DLG2: variants seen among roughly 807,000 people sequenced by gnomAD.
DLG2 encodes the protein disks large homolog 2.
Under a neutral mutation model 132.5 loss-of-function variants are expected in DLG2, and 45 were observed. The ratio of observed to expected loss-of-function variants is 0.34; its 90% CI spans 0.27 to 0.44. DLG2 has a LOEUF of 0.44. DLG2 is among the 20% of genes least tolerant of loss of function. DLG2 has a pLI of 1.00. For synonymous variants in DLG2, 424 were observed against 419.6 expected (o/e 1.01, Z -0.13); for missense variants, 1,045 against 1,196.9 (o/e 0.87, Z 1.87).
intron 3 of DLG2, among the ~76,000 whole-genome samples, chr11:85,446,542 G>A (rs898836975): frequency 1.3e-5 from 2 of 151,912 alleles, no homozygotes; most frequent in East Asian, 1.9e-4. Context: ...AGTAAATATC[G>A]ATCAGGTAAA....
chr11:84,741,876 A>G (rs1035768248), intron 6 of DLG2, among the ~76,000 whole-genome samples: 1 of 152,152 alleles, frequency 6.6e-6, no homozygotes, highest in African/African-American at 2.4e-5. Flanking sequence ...ATCTTAAGGA[A>G]GCTCAGTGAG....
chr11:85,240,206 T>C (rs2075808154), intron 4 of DLG2, among the ~76,000 whole-genome samples: 1 of 151,898 alleles, frequency 6.6e-6, no homozygotes. Context: ...GTGAAAAGCC[T>C]GATTATTTTT....
intron 15 of DLG2, among the ~76,000 whole-genome samples, chr11:83,888,740 A>C (rs2154083194): frequency 6.6e-6 from 1 of 152,314 alleles, no homozygotes. Context: ...ACAGCATGGT[A>C]CTGGTACCAA....
chr11:84,986,776 C>T (rs951567909), intron 6 of DLG2, among the ~76,000 whole-genome samples: 2 of 152,116 alleles, frequency 1.3e-5, no homozygotes, highest in Admixed American at 1.3e-4. Context: ...GTAATAAAAG[C>T]CATCTATGAC....
chr11:83,763,636 T>A (rs1240620935), intron 18 of DLG2, among the ~76,000 whole-genome samples: 2 of 152,206 alleles, frequency 1.3e-5, no homozygotes, highest in African/African-American at 4.8e-5. Context: ...TTTTTCCACA[T>A]TTTTATATAC....
intron 11 of DLG2, among the ~76,000 whole-genome samples, chr11:83,992,317 T>C (rs376807076): frequency 1.2e-4 from 18 of 152,118 alleles, no homozygotes; most frequent in African/African-American, 4.3e-4. Context: ...GAAAATGCAG[T>C]GTGGTAAGTG....
chr11:84,262,760 C>G (rs1332677169), intron 7 of DLG2, among the ~76,000 whole-genome samples: 1 of 152,150 alleles, frequency 6.6e-6, no homozygotes, highest in African/African-American at 2.4e-5. Context: ...TCCCACATAT[C>G]AGTGAGAACA....
intron 3 of DLG2, among the ~76,000 whole-genome samples, chr11:85,539,592 T>G (rs1598377454): frequency 6.6e-6 from 1 of 152,316 alleles, no homozygotes. Context: ...GCTGCATAAC[T>G]CTGTGAACAT....
chr11:84,719,522 C>T (rs1490379379), intron 6 of DLG2, among the ~76,000 whole-genome samples: 4 of 152,112 alleles, frequency 2.6e-5, no homozygotes, highest in South Asian at 2.1e-4. Flanking sequence ...GTTCAAACAC[C>T]AAGTTCTATG....
At chr11:84,932,507 C>G (rs138477325) in intron 6 of DLG2, among the ~76,000 whole-genome samples, 1 of 152,024 alleles carries the variant, frequency 6.6e-6, no homozygotes, top group Admixed American at 6.6e-5. Context: ...AAGTTCCCAC[C>G]CCTCACCCCC....
intron 3 of DLG2, among the ~76,000 whole-genome samples, chr11:85,301,070 G>A (rs2079556038): frequency 1.3e-5 from 2 of 152,050 alleles, no homozygotes; most frequent in Admixed American, 1.3e-4. Context: ...GTGTGGTGGT[G>A]CATGCCTGTG....
intron 7 of DLG2, among the ~76,000 whole-genome samples, chr11:84,280,848 C>A (rs1480592625): frequency 6.7e-6 from 1 of 149,086 alleles, no homozygotes; most frequent in Admixed American, 6.7e-5. Flanking sequence ...CTAGAGGCGC[C>A]TGCCACCATG....
At chr11:83,911,102 T>A (rs2075966105) in intron 15 of DLG2, among the ~76,000 whole-genome samples, 1 of 152,012 alleles carries the variant, frequency 6.6e-6, no homozygotes, top group Non-Finnish European at 1.5e-5. Context: ...AAAAAAGTGA[T>A]GTAAATAATA....
At chr11:84,075,852 T>C (rs1257479887) in intron 10 of DLG2, among the ~76,000 whole-genome samples, 3 of 152,174 alleles carry the variant, frequency 2.0e-5, no homozygotes, top group Non-Finnish European at 4.4e-5. Context: ...CATTTTGAGA[T>C]TATTGGTGAC....
intron 6 of DLG2, chr11:84,923,274 A>G (rs2092845128): frequency 6.7e-7 from 1 of 1,487,084 alleles, no homozygotes; most frequent in Non-Finnish European, 8.9e-7. Context: ...ACAAAACGAC[A>G]TGTCTTGAAG....
chr11:85,224,809 T>C (rs1032356753), intron 4 of DLG2, among the ~76,000 whole-genome samples: 1 of 152,208 alleles, frequency 6.6e-6, no homozygotes, highest in Non-Finnish European at 1.5e-5. Context: ...GAGCAGTTTA[T>C]ATGTGGTTAA....
chr11:85,261,292 T>G (rs2076927533), intron 4 of DLG2, among the ~76,000 whole-genome samples: 1 of 152,100 alleles, frequency 6.6e-6, no homozygotes, highest in African/African-American at 2.4e-5. Flanking sequence ...TAGTTGTTTA[T>G]TTGTGGTTAG....
intron 16 of DLG2, among the ~76,000 whole-genome samples, chr11:83,850,637 T>G (rs538957429): frequency 3.2e-4 from 48 of 152,276 alleles, no homozygotes; most frequent in African/African-American, 9.4e-4. Flanking sequence ...GGTGGAGACA[T>G]GAAGGCAGAG....
At chr11:85,134,028 G>A (rs2075952783) in intron 5 of DLG2, among the ~76,000 whole-genome samples, 1 of 142,464 alleles carries the variant, frequency 7.0e-6, no homozygotes, top group African/African-American at 2.6e-5. Flanking sequence ...GGGAGAATGA[G>A]GGAGAGTGAG....
Sources: gnomAD v4.1 joint callset for allele counts (sites outside exome capture counted in the v4.1 genomes callset) on GRCh38, gnomAD v4.1.1 for gene constraint, MANE v1.5 for transcripts, NCBI Gene and HGNC (gene_info 2026-07-23, HGNC 2026-07-21) for gene names.